Variants in TECTA observed in about 807,000 individuals in gnomAD.
TECTA encodes tectorin alpha, also known as alpha-tectorin.
TECTA carries 128 observed loss-of-function variants against 216.8 expected under a neutral mutation model. The observed-to-expected ratio is 0.59, with a 90% CI of 0.51 to 0.68. The LOEUF (loss-of-function observed/expected upper bound fraction) is 0.68. Among genes scored for constraint, TECTA ranks in the 30% least tolerant of loss-of-function variants. The pLI, the probability that TECTA is intolerant of heterozygous loss-of-function variation, is 0.00. For missense variants in TECTA, 2,551 were observed against 2,786.2 expected (o/e 0.92, Z 1.90); for synonymous variants, 1,089 against 1,117.1 (o/e 0.97, Z 0.50).
In TECTA at chr11:121,158,053, A is replaced by G; in HGVS notation, c.4518A>G (p.Pro1506=). 1 of 1,613,564 alleles carries G rather than the reference A, an allele frequency of 6.2e-7. No homozygotes were observed. Among genetic ancestry groups the G allele is most frequent in the Non-Finnish European group, 8.5e-7 (1 of 1,179,952 alleles). ...RTFDGAFLRF[P]ANCAFVLSTI... ...TCGACGGCGCCTTCCTGCGCTTCCC[A>G]GCCAACTGCGCCTTCGTGCTGTCCA... The change falls in exon 14 of 24, where the codon CCA becomes CCG. Residue 1506 remains proline, a synonymous_variant. Coordinates refer to ENST00000392793, the MANE Select transcript of TECTA (RefSeq NM_005422.4).
At chr11:121,131,485 T>C (rs1226472564) in intron 10 of TECTA, among the ~76,000 whole-genome samples, 2 of 152,200 alleles carry the variant, frequency 1.3e-5, no homozygotes, top group African/African-American at 4.8e-5. Flanking sequence ...CCTAAATATT[T>C]CAGTGTGTTT....
At chr11:121,136,736 A>G (rs907091734) in intron 10 of TECTA, among the ~76,000 whole-genome samples, 1 of 152,196 alleles carries the variant, frequency 6.6e-6, no homozygotes, top group Non-Finnish European at 1.5e-5. Flanking sequence ...GTCCCAAAAC[A>G]TACAATGCTC....
intron 20 of TECTA, among the ~76,000 whole-genome samples, chr11:121,178,517 A>AGTGTGTGTGTGTGTGTGT (rs3222565): frequency 2.0e-4 from 26 of 127,276 alleles, no homozygotes; most frequent in Non-Finnish European, 3.5e-4. Flanking sequence ...GCTTGTAGTT[A>AGTGTGTGTGTGTGTGTGT]GTGTGTGTGT....
At chr11:121,133,016 GC>G (rs1946690619) in intron 10 of TECTA, among the ~76,000 whole-genome samples, 1 of 152,200 alleles carries the variant, frequency 6.6e-6, no homozygotes, top group Non-Finnish European at 1.5e-5. Context: ...ACAGGCGTGA[GC>G]CACCACGCCC....
In TECTA at chr11:121,190,976, C is replaced by T. The variant is rs1947335339; in HGVS notation, c.*170C>T. 1.7e-6 allele frequency: 1 copy of T among 587,912 alleles called. No individual in the cohort carries two copies. The highest frequency in any genetic ancestry group is 3.1e-6 in the Non-Finnish European group (1 of 326,128). 36.4% of individuals were successfully genotyped at this position (587,912 alleles called of 1,614,324 possible). On this transcript the variant is annotated 3_prime_UTR_variant, in exon 24 of 24. Coordinates refer to ENST00000392793, the MANE Select transcript of TECTA (RefSeq NM_005422.4). ...CCAGAAACCAGCGACCATCCAAGCTCCTCTTTCAGAGTATGAAACGGGGCT... is the reference window on the plus strand; with the variant it reads ...CCAGAAACCAGCGACCATCCAAGCTTCTCTTTCAGAGTATGAAACGGGGCT...
chr11:121,109,730 C>T, intron 4 of TECTA: 1 of 546,784 alleles, frequency 1.8e-6, no homozygotes, highest in South Asian at 2.1e-5. Flanking sequence ...CAAATCATCA[C>T]TAATGCCTAA....
chr11:121,180,247 T>C (rs565372197), intron 20 of TECTA, among the ~76,000 whole-genome samples: 1 of 152,194 alleles, frequency 6.6e-6, no homozygotes, highest in African/African-American at 2.4e-5. Context: ...GTTTTTATTA[T>C]GTCATATATC....
chr11:121,125,517 C>T lies in TECTA; in HGVS notation c.1419C>T (p.Leu473=), dbSNP rs752908531. The T allele has an allele frequency of 6.2e-7, 1 of 1,614,214 alleles. No homozygotes were observed. The highest frequency in any genetic ancestry group is 8.5e-7 in the Non-Finnish European group (1 of 1,180,048). The change falls in exon 8 of 24, where the codon CTC becomes CTT. Residue 473 remains leucine, a synonymous_variant. Coordinates refer to ENST00000392793, the MANE Select transcript of TECTA (RefSeq NM_005422.4). ...ATAAAAACCCACTGGATGACTTCCT[C>T]CGCCCGGATGGCAGGCCGGCCATGT... ...NYNKNPLDDF[L]RPDGRPAMSV... is the part of the protein sequence containing the mutation.
chr11:121,153,159 A>G (rs1043263966), intron 13 of TECTA, 79 bp downstream of exon 13: 1 of 1,517,078 alleles, frequency 6.6e-7, no homozygotes, highest in African/African-American at 1.4e-5. Context: ...GGTCAGATTG[A>G]CCAATTTTCC....
At chr11:121,177,281 C>G (rs1283256723) in intron 20 of TECTA, among the ~76,000 whole-genome samples, 2 of 152,032 alleles carry the variant, frequency 1.3e-5, no homozygotes, top group African/African-American at 2.4e-5. Context: ...TTTTTCTGCT[C>G]TGTTTTTTCC....
chr11:121,112,676 T>C (rs1946452799), intron 4 of TECTA, among the ~76,000 whole-genome samples: 1 of 152,218 alleles, frequency 6.6e-6, no homozygotes, highest in African/African-American at 2.4e-5. Flanking sequence ...CAACCCGCTC[T>C]GCAAGGGGAA....
At chr11:121,124,214 T>C (rs1946584950) in intron 7 of TECTA, among the ~76,000 whole-genome samples, 1 of 152,236 alleles carries the variant, frequency 6.6e-6, no homozygotes, top group Non-Finnish European at 1.5e-5. Flanking sequence ...TCTGTTCATT[T>C]CACTTGCTGC....
chr11:121,116,217 C>G (rs1312513228), intron 6 of TECTA, among the ~76,000 whole-genome samples: 1 of 152,056 alleles, frequency 6.6e-6, no homozygotes. Flanking sequence ...GAGATTGTAC[C>G]CTCCTCCCCT....
chr11:121,186,070 G>A (rs1180564752), intron 20 of TECTA, among the ~76,000 whole-genome samples: 2 of 112,542 alleles, frequency 1.8e-5, no homozygotes, highest in African/African-American at 9.4e-5. Context: ...TGAATGAGTA[G>A]GGAAAGCAGA....
intron 7 of TECTA, among the ~76,000 whole-genome samples, chr11:121,123,778 A>G (rs1946581529): frequency 6.6e-6 from 1 of 152,206 alleles, no homozygotes; most frequent in Admixed American, 6.5e-5. Context: ...TCTTGCTCAG[A>G]GTCAAAGCCA....
At chr11:121,115,207 A>T (rs918023816) in intron 6 of TECTA, among the ~76,000 whole-genome samples, 6 of 148,296 alleles carry the variant, frequency 4.0e-5, no homozygotes, top group African/African-American at 1.5e-4. Context: ...CCATCCATCC[A>T]TTTATCCATC....
At chr11:121,161,311 C>T (rs1344813800) in intron 15 of TECTA, among the ~76,000 whole-genome samples, 1 of 151,968 alleles carries the variant, frequency 6.6e-6, no homozygotes, top group Admixed American at 6.6e-5. Flanking sequence ...TGAGGAGGCC[C>T]CATATATGGC....
chr11:121,183,009 G>A (rs1044201215), intron 20 of TECTA, among the ~76,000 whole-genome samples: 1 of 152,182 alleles, frequency 6.6e-6, no homozygotes, highest in Admixed American at 6.5e-5. Context: ...CAGGCAGGTG[G>A]CTCTTGGGTT....
rs1441477165 is a variant in TECTA, at chr11:121,105,634, TC to T, written c.65-194del. On this transcript the variant is annotated intron_variant, in intron 2 of 23. Transcript: ENST00000392793. This position sits in a 1 kb window ranked among gnomAD's most constrained non-coding sequence, Gnocchi z 5.3. ...TTCTCCTATGGAGAAACAATGTCAC[TC>T]CCATTTTCCCGTTTCCCAGAGCAGA... is the stretch of plus-strand genomic sequence containing the variant. Among the ~76,000 whole-genome samples the T allele has an allele frequency of 6.6e-6, 1 of 152,200 alleles. No individual in the cohort carries two copies. The highest frequency in any genetic ancestry group is 1.5e-5 in the Non-Finnish European group (1 of 68,034).
Sources: allele counts gnomAD v4.1 joint callset (sites outside exome capture counted in the v4.1 genomes callset), GRCh38; gene constraint gnomAD v4.1.1; non-coding constraint Gnocchi (gnomAD v3.1); transcripts MANE v1.5; gene names NCBI Gene and HGNC (gene_info 2026-07-23, HGNC 2026-07-21).